Variants in CHRNA9 observed in about 807,000 individuals in gnomAD.
CHRNA9 encodes the protein cholinergic receptor nicotinic alpha 9 subunit.
A neutral mutation model predicts 36.8 loss-of-function variants in CHRNA9; 24 were observed. That is an observed-to-expected ratio of 0.65 (90% confidence interval 0.47 to 0.92). CHRNA9 has a LOEUF of 0.92. Ranked by LOEUF, CHRNA9 falls within the 40% of genes least tolerant of loss-of-function variation. The pLI is 0.00. For missense variants in CHRNA9, 610 were observed against 601.2 expected, an observed-to-expected ratio of 1.01 and a Z score of -0.15; for synonymous variants, 231 against 231.8, an observed-to-expected ratio of 1.00 and a Z score of 0.03.
rs79355636 is a variant in CHRNA9, at chr4:40,342,903, C to G, written c.365+5539C>G. On this transcript the variant is annotated intron_variant, in intron 3 of 4. Transcript: ENST00000310169. ...GCATGGGAGGAGAGGACTCACACGACCAGAAGGGAAGTTAGCCAGGAAGAG... is the reference window on the plus strand; with the variant it reads ...GCATGGGAGGAGAGGACTCACACGAGCAGAAGGGAAGTTAGCCAGGAAGAG... 8.9e-3 allele frequency among the ~76,000 whole-genome samples: 1,356 copies of G among 151,838 alleles called. 22 individuals carry two copies. Among genetic ancestry groups the G allele is most frequent in the African/African-American group, 0.031 (1,269 of 41,354 alleles).
intron 3 of CHRNA9, among the ~76,000 whole-genome samples, chr4:40,339,279 C>CAAAAAAAAAAAAAAAAA (rs61634062): frequency 2.0e-4 from 14 of 71,140 alleles, no homozygotes; most frequent in East Asian, 8.8e-4. Flanking sequence ...GACTCCATCT[C>CAAAAAAAAAAAAAAAAA]AAAAAAAAAA....
chr4:40,347,692 A>G (rs1221954329), intron 3 of CHRNA9: 32 of 152,232 alleles, frequency 2.1e-4, no homozygotes, highest in Admixed American at 2.1e-3. Flanking sequence ...TTACGTAACC[A>G]TAATATACTT....
At chr4:40,342,149 G>T (rs1712516706) in intron 3 of CHRNA9, among the ~76,000 whole-genome samples, 1 of 152,186 alleles carries the variant, frequency 6.6e-6, no homozygotes, top group South Asian at 2.1e-4. Context: ...CTAGAATTTA[G>T]CTTTAAGGCC....
rs570024431 is a variant in CHRNA9 at position 40,337,200 on chromosome 4, C to A, written c.211-10C>A. Reference sequence around the variant, plus strand: ...TGCTAGGTAAAGCGACATCTGGATTCATTGTGTAGGATGAAAGAAACCAAA... The same window carrying A: ...TGCTAGGTAAAGCGACATCTGGATTAATTGTGTAGGATGAAAGAAACCAAA... On this transcript the variant is annotated splice_polypyrimidine_tract_variant and intron_variant, in intron 2 of 4. Transcript: ENST00000310169. The A allele has an allele frequency of 1.2e-6, 2 of 1,613,412 alleles. No homozygotes were observed. The highest frequency in any genetic ancestry group is 2.2e-5 in the South Asian group (2 of 91,040).
chr4:40,340,654 TA>T (rs958757142), intron 3 of CHRNA9, among the ~76,000 whole-genome samples: 7 of 151,952 alleles, frequency 4.6e-5, no homozygotes, highest in African/African-American at 9.7e-5. Flanking sequence ...GAAATAGGGT[TA>T]GGGGGTAGGT....
rs751619846 is a variant in CHRNA9, at chr4:40,335,547, C to G, written c.64+16C>G. On this transcript the variant is annotated intron_variant, in intron 1 of 4. Transcript: ENST00000310169. ...AGACTGAGAGGTGAGAGGCTGGTGA[C>G]ACGTAACCTATCTTGTCTCATCTGG... The G allele has an allele frequency of 4.9e-5, 79 of 1,597,806 alleles. No individual in the cohort carries two copies. Among genetic ancestry groups the G allele is most frequent in the Non-Finnish European group, 6.3e-5 (73 of 1,165,130 alleles).
In CHRNA9 at chr4:40,354,720, A is replaced by G. The variant is rs1184783096; in HGVS notation, c.*200A>G. 1 of 531,320 alleles carries G rather than the reference A, an allele frequency of 1.9e-6. No homozygotes were observed. The highest frequency in any genetic ancestry group is 3.3e-6 in the Non-Finnish European group (1 of 302,204). The allele number at this position is 531,320 out of a possible 1,614,324, so 32.9% of individuals were successfully genotyped here. A position where few individuals can be genotyped will look rare whatever the true frequency, so the allele number is the denominator to read the frequency against. ...GAACCAAAATTTCAAGGGTAGGAAGATGGAAGAAATAGGGAAAGAGCCCTT... is the reference window on the plus strand; with the variant it reads ...GAACCAAAATTTCAAGGGTAGGAAGGTGGAAGAAATAGGGAAAGAGCCCTT... On this transcript the variant is annotated 3_prime_UTR_variant, in exon 5 of 5. Transcript: ENST00000310169.
In CHRNA9 at chr4:40,354,526, G is replaced by C. The variant is rs777517452; in HGVS notation, c.*6G>C. On this transcript the variant is annotated 3_prime_UTR_variant, in exon 5 of 5. Transcript: ENST00000310169. ...TCATAGCAAGAGCGGATTAGTCACA[G>C]ATATTGGCTTTGCTATCTGGGTAGA... 3 of 1,593,058 alleles carry C rather than the reference G, an allele frequency of 1.9e-6. No homozygotes were observed. The East Asian group carries it at 6.7e-5, about 36-fold the overall frequency.
In CHRNA9 at chr4:40,348,822, G is replaced by A. The variant is rs528070496; in HGVS notation, c.366-60G>A. On this transcript the variant is annotated intron_variant, in intron 3 of 4. Transcript: ENST00000310169. ...TGATGGGGACAGTGAGCTGTCTGGG[G>A]TAAGGAAGGTGGCAAGTTCTCCTAG... 4.9e-5 allele frequency: 75 copies of A among 1,536,902 alleles called. No homozygotes were observed. In the South Asian group the frequency reaches 8.0e-4, roughly 16 times the overall value.
intron 3 of CHRNA9, 38 bp from the exon 4 acceptor site, chr4:40,348,844 C>T (rs760673462): frequency 2.5e-6 from 4 of 1,594,136 alleles, no homozygotes; most frequent in South Asian, 2.2e-5. Flanking sequence ...GCAAGTTCTC[C>T]TAGCATGCGG....
At chr4:40,342,176 T>G (rs890716536) in intron 3 of CHRNA9, among the ~76,000 whole-genome samples, 1 of 152,208 alleles carries the variant, frequency 6.6e-6, no homozygotes, top group Admixed American at 6.5e-5. Context: ...TGTATCTATC[T>G]TTAGCCATAT....
intron 4 of CHRNA9, among the ~76,000 whole-genome samples, chr4:40,353,271 T>A (rs4285123): frequency 0.92 from 140,438 of 152,188 alleles, 64,970 homozygotes; most frequent in East Asian, 1. Flanking sequence ...TAGGCAGATC[T>A]CTCAAGTTCA....
chr4:40,336,178 G>T (rs928116066), intron 2 of CHRNA9, among the ~76,000 whole-genome samples: 1 of 152,160 alleles, frequency 6.6e-6, no homozygotes, highest in African/African-American at 2.4e-5. Context: ...GTCATTAACT[G>T]TAACAGTCTT....
chr4:40,336,041 G>C, intron 2 of CHRNA9, 69 bp downstream of exon 2: 1 of 1,346,368 alleles, frequency 7.4e-7, no homozygotes. Context: ...TTTCTGAAGA[G>C]AATGTCTTAA....
chr4:40,344,095 G>A (rs1270640926), intron 3 of CHRNA9, among the ~76,000 whole-genome samples: 1 of 152,210 alleles, frequency 6.6e-6, no homozygotes, highest in African/African-American at 2.4e-5. Flanking sequence ...CTGAGTCATG[G>A]GATGCAGGTG....
intron 4 of CHRNA9, among the ~76,000 whole-genome samples, chr4:40,350,448 C>A (rs1467967273): frequency 2.6e-5 from 4 of 152,246 alleles, no homozygotes; most frequent in African/African-American, 9.6e-5. Flanking sequence ...AGATCCAACA[C>A]CTCCATCTCG....
chr4:40,345,064 G>T (rs1039995048), intron 3 of CHRNA9, among the ~76,000 whole-genome samples: 2 of 152,170 alleles, frequency 1.3e-5, no homozygotes, highest in African/African-American at 2.4e-5. Flanking sequence ...GGTGGAGTGG[G>T]AGTGAAGGAG....
At chr4:40,351,340 A>AG (rs1165329718) in intron 4 of CHRNA9, among the ~76,000 whole-genome samples, 2 of 151,216 alleles carry the variant, frequency 1.3e-5, no homozygotes, top group Admixed American at 6.6e-5. Flanking sequence ...TCAAAAAAAA[A>AG]AAATTGAAAA....
intron 3 of CHRNA9, among the ~76,000 whole-genome samples, chr4:40,339,618 A>G (rs1712441891): frequency 6.9e-6 from 1 of 145,590 alleles, no homozygotes; most frequent in African/African-American, 2.6e-5. Flanking sequence ...GTGAGCCGAG[A>G]TCGCGCTCCA....
Sources: allele counts gnomAD v4.1 joint callset (sites outside exome capture counted in the v4.1 genomes callset), GRCh38; gene constraint gnomAD v4.1.1; transcripts MANE v1.5; gene names NCBI Gene and HGNC (gene_info 2026-07-23, HGNC 2026-07-21).